The following SATL1 variants were observed in gnomAD, a reference collection of about 807,000 sequenced individuals.
SATL1 encodes spermidine/spermine N(1)-acetyltransferase-like protein 1.
A neutral mutation model predicts 51.8 loss-of-function variants in SATL1; 47 were observed. The ratio of observed to expected loss-of-function variants is 0.91; its 90% CI spans 0.72 to 1.16. The LOEUF is 1.16. SATL1 is among the 50% of genes most tolerant of loss of function. SATL1 has a pLI of 0.00. For missense variants in SATL1, 520 were observed against 526.4 expected, an observed-to-expected ratio of 0.99 and a Z score of 0.12; for synonymous variants, 176 against 182.4, an observed-to-expected ratio of 0.97 and a Z score of 0.28.
intron 2 of SATL1, among the ~76,000 whole-genome samples, chrX:85,220,405 T>C (rs979078915): frequency 9.2e-6 from 1 of 108,592 alleles, no homozygotes; most frequent in Non-Finnish European, 1.9e-5. Flanking sequence ...TATGACCTGC[T>C]GAGACATCAG....
At chrX:85,196,080 C>CTGTGGTT (rs1927554682) in intron 2 of SATL1, among the ~76,000 whole-genome samples, 1 of 109,202 alleles carries the variant, frequency 9.2e-6, no homozygotes, top group Admixed American at 1.0e-4. Flanking sequence ...TATACTGAGC[C>CTGTGGTT]TGTGGTTGAA....
At chrX:85,194,874 G>C (rs190460467) in intron 2 of SATL1, among the ~76,000 whole-genome samples, 2 of 107,275 alleles carry the variant, frequency 1.9e-5, no homozygotes, top group Admixed American at 1.0e-4. Context: ...GGTCTATCGG[G>C]GGGTGGGAGG....
chrX:85,156,574 T>C (rs1205487036), intron 2 of SATL1: 5 of 109,099 alleles, frequency 4.6e-5, no homozygotes, highest in Admixed American at 9.8e-5. Flanking sequence ...TATGGGATGG[T>C]TGATGACAGG....
At position 85,220,644 on chromosome X, in the gene SATL1, TAAAAAAAAAAAAAAAAAAAAAA is replaced by T. The variant is rs57383092; in HGVS notation, c.-313+3539_-313+3560del. ...TAGCTCCCAGGCAGCACTTCTGTGT[TAAAAAAAAAAAAAAAAAAAAAA>T]AAAAAAAAAAAAAAAAAAAAACTCT... is the stretch of plus-strand genomic sequence containing the variant. On this transcript the variant is annotated intron_variant, in intron 2 of 7. Coordinates refer to ENST00000644105, the MANE Select transcript of SATL1 (RefSeq NM_001367857.2). 1.5e-3 allele frequency among the ~76,000 whole-genome samples: 37 copies of T among 24,168 alleles called. No homozygotes were observed. In the Admixed American group the frequency reaches 0.019, roughly 13 times the overall value. 21.0% of individuals were successfully genotyped at this position (24,168 alleles called of 115,157 possible).
chrX:85,233,861 TC>T (rs2147766790), intron 1 of SATL1, among the ~76,000 whole-genome samples: 1 of 111,273 alleles, frequency 9.0e-6, no homozygotes, highest in African/African-American at 3.3e-5. Context: ...AAGATAGAGA[TC>T]AGGATAGACA....
chrX:85,223,306 T>C (rs1417744492), intron 2 of SATL1, among the ~76,000 whole-genome samples: 1 of 111,357 alleles, frequency 9.0e-6, no homozygotes. Context: ...AGAGACTTGG[T>C]AGTGTTGGGT....
In SATL1 at chrX:85,107,379, T is replaced by C. The variant is rs1179828823; in HGVS notation, c.1590A>G (p.Gln530=). ...GMRQTSMDYF[Q]IRHAEAGDCP... ...AGTCTCCAGCCTCTGCATGTCTTATTTGAAAGTAATCCATGCTTGTTTGCC... is the reference window on the plus strand; with the variant it reads ...AGTCTCCAGCCTCTGCATGTCTTATCTGAAAGTAATCCATGCTTGTTTGCC... Residue 530 remains glutamine (Q), a synonymous_variant, in exon 3 of 8, where the codon CAA becomes CAG. Coordinates refer to ENST00000644105, the MANE Select transcript of SATL1 (RefSeq NM_001367857.2). The C allele has an allele frequency of 2.5e-6, 3 of 1,211,184 alleles. No individual in the cohort carries two copies. Among genetic ancestry groups the C allele is most frequent in the South Asian group, 3.5e-5 (2 of 56,923 alleles).
At chrX:85,134,890 A>C (rs1465869165) in intron 2 of SATL1, among the ~76,000 whole-genome samples, 2 of 111,621 alleles carry the variant, frequency 1.8e-5, no homozygotes, top group Non-Finnish European at 3.8e-5. Context: ...AAATGTTTGG[A>C]TTTATCCTGA....
At chrX:85,160,188 A>G (rs917741751) in intron 2 of SATL1, among the ~76,000 whole-genome samples, 3 of 110,670 alleles carry the variant, frequency 2.7e-5, no homozygotes, top group African/African-American at 9.9e-5. Context: ...AATCTAGAGG[A>G]CAGCGACTTT....
intron 2 of SATL1, among the ~76,000 whole-genome samples, chrX:85,220,496 T>G (rs1443110967): frequency 3.7e-5 from 4 of 107,185 alleles, no homozygotes; most frequent in Admixed American, 1.0e-4. Flanking sequence ...AAGAGACCCC[T>G]TTCTTCCTCT....
chrX:85,163,035 G>C (rs1236921100), intron 2 of SATL1, among the ~76,000 whole-genome samples: 1 of 108,302 alleles, frequency 9.2e-6, no homozygotes, highest in Non-Finnish European at 1.9e-5. Context: ...CCTGGTTTTG[G>C]TATTTGGGTG....
At chrX:85,163,797 G>A (rs760240139) in intron 2 of SATL1, among the ~76,000 whole-genome samples, 1 of 111,926 alleles carries the variant, frequency 8.9e-6, no homozygotes, top group Non-Finnish European at 1.9e-5. Flanking sequence ...TATAGTTTAA[G>A]TCCATTGTTT....
chrX:85,102,022 A>G, intron 4 of SATL1, among the ~76,000 whole-genome samples: 1 of 109,275 alleles, frequency 9.2e-6, no homozygotes, highest in East Asian at 2.9e-4. Flanking sequence ...AGGGGGAGGG[A>G]GGTCGGCAAT....
At chrX:85,180,177 G>A (rs1927171006) in intron 2 of SATL1, among the ~76,000 whole-genome samples, 1 of 111,088 alleles carries the variant, frequency 9.0e-6, no homozygotes, top group Non-Finnish European at 1.9e-5. Context: ...TTTCTACCAC[G>A]TTCAAAGCAC....
chrX:85,242,625 T>C (rs1308021707), intron 1 of SATL1, among the ~76,000 whole-genome samples: 1 of 112,297 alleles, frequency 8.9e-6, no homozygotes, highest in Non-Finnish European at 1.9e-5. Context: ...TATTTTACCA[T>C]CATTACACAT....
chrX:85,100,363 C>G (rs2147684552), intron 4 of SATL1, among the ~76,000 whole-genome samples: 1 of 111,772 alleles, frequency 8.9e-6, no homozygotes, highest in South Asian at 3.7e-4. Context: ...GGTACAAGAT[C>G]AACAAACAAA....
intron 4 of SATL1, among the ~76,000 whole-genome samples, chrX:85,095,467 T>A (rs770294203): frequency 1.9e-4 from 21 of 111,164 alleles, no homozygotes; most frequent in African/African-American, 5.9e-4. Flanking sequence ...CTGCCCTGTT[T>A]TGTGAGACAT....
chrX:85,152,535 C>T (rs1162623248), intron 2 of SATL1, among the ~76,000 whole-genome samples: 9 of 111,324 alleles, frequency 8.1e-5, no homozygotes, highest in Non-Finnish European at 1.3e-4. Context: ...TATTGCGGCA[C>T]TATTCACAAT....
intron 2 of SATL1, among the ~76,000 whole-genome samples, chrX:85,115,326 C>T (rs1925358794): frequency 8.9e-6 from 1 of 112,476 alleles, no homozygotes; most frequent in African/African-American, 3.2e-5. Context: ...AGGCCCTATG[C>T]AGGCAGACAA....
Sources: gnomAD v4.1 joint callset for allele counts (sites outside exome capture counted in the v4.1 genomes callset) on GRCh38, gnomAD v4.1.1 for gene constraint, MANE v1.5 for transcripts, NCBI Gene and HGNC (gene_info 2026-07-23, HGNC 2026-07-21) for gene names.